The following CEP83 variants were observed in gnomAD, a reference collection of about 807,000 sequenced individuals.
The protein encoded by CEP83 is centrosomal protein of 83 kDa.
In CEP83, 70 loss-of-function variants were observed where a neutral mutation model predicts 101.9. The ratio of observed to expected loss-of-function variants is 0.69; its 90% CI spans 0.57 to 0.84. The LOEUF is 0.84. CEP83 is among the 40% of genes least tolerant of loss of function. CEP83 has a pLI of 0.00. For missense variants in CEP83, 715 were observed against 787.2 expected, an observed-to-expected ratio of 0.91 and a Z score of 1.10; for synonymous variants, 264 against 267.9, an observed-to-expected ratio of 0.99 and a Z score of 0.14.
chr12:94,275,094 A>C, the CEP83 span, among the ~76,000 whole-genome samples: 1 of 152,220 alleles, frequency 6.6e-6, no homozygotes, highest in Non-Finnish European at 1.5e-5. Flanking sequence ...GGGAGGGTCC[A>C]GGTGGCCCGG....
At chr12:94,385,464 C>G (rs2062087094) in intron 6 of CEP83, among the ~76,000 whole-genome samples, 1 of 152,134 alleles carries the variant, frequency 6.6e-6, no homozygotes, top group African/African-American at 2.4e-5. Context: ...GACAGCATGG[C>G]AGAGGATGGG....
At chr12:94,407,776 C>A (rs992448076) in intron 4 of CEP83, among the ~76,000 whole-genome samples, 1 of 152,174 alleles carries the variant, frequency 6.6e-6, no homozygotes, top group African/African-American at 2.4e-5. Flanking sequence ...TTTTCCCATC[C>A]CATTTTAGGA....
chr12:94,355,582 G>A (rs1481021138), intron 11 of CEP83, among the ~76,000 whole-genome samples: 2 of 152,232 alleles, frequency 1.3e-5, no homozygotes, highest in Middle Eastern at 3.2e-3. Context: ...CTTACAAAAA[G>A]ATGTTGGGAG....
intron 14 of CEP83, among the ~76,000 whole-genome samples, chr12:94,314,142 T>C (rs912963619): frequency 6.6e-6 from 1 of 152,226 alleles, no homozygotes; most frequent in Non-Finnish European, 1.5e-5. Flanking sequence ...CACAGGCCTT[T>C]TGTTTTTTAA....
intron 11 of CEP83, among the ~76,000 whole-genome samples, chr12:94,354,117 T>C (rs758520446): frequency 6.6e-6 from 1 of 152,124 alleles, no homozygotes; most frequent in African/African-American, 2.4e-5. Flanking sequence ...AACTACACTG[T>C]AGACCAAATG....
intron 14 of CEP83, chr12:94,328,352 A>G (rs2059061864): frequency 7.7e-6 from 2 of 260,600 alleles, no homozygotes; most frequent in East Asian, 1.3e-4. Context: ...TTTACACCAA[A>G]GACTACTTAA....
chr12:94,314,013 T>C (rs751329099), intron 14 of CEP83, among the ~76,000 whole-genome samples: 1 of 152,114 alleles, frequency 6.6e-6, no homozygotes, highest in Non-Finnish European at 1.5e-5. Context: ...CTTTACAATA[T>C]ACAAAGGGAG....
intron 8 of CEP83, among the ~76,000 whole-genome samples, chr12:94,371,053 A>C (rs1007750079): frequency 2.0e-5 from 3 of 152,226 alleles, no homozygotes; most frequent in African/African-American, 7.2e-5. Context: ...TCTAGGTAGA[A>C]GGAACAGCAT....
chr12:94,311,500 T>C (rs763521497), intron 15 of CEP83, among the ~76,000 whole-genome samples: 7 of 152,156 alleles, frequency 4.6e-5, no homozygotes, highest in Non-Finnish European at 7.4e-5. Context: ...CTGAGCCCTC[T>C]ACCTGTGGGA....
intron 14 of CEP83, among the ~76,000 whole-genome samples, chr12:94,318,927 T>C (rs1004910521): frequency 1.3e-5 from 2 of 152,204 alleles, no homozygotes; most frequent in Non-Finnish European, 2.9e-5. Context: ...CTTCACAGAA[T>C]GATTTGGGAA....
At chr12:94,340,805 C>T (rs1310157051) in intron 11 of CEP83, among the ~76,000 whole-genome samples, 4 of 152,100 alleles carry the variant, frequency 2.6e-5, no homozygotes, top group Non-Finnish European at 4.4e-5. Context: ...AACATATGTT[C>T]CCAGCATCAC....
At chr12:94,452,660 C>G (rs2067344456) in intron 1 of CEP83, among the ~76,000 whole-genome samples, 1 of 152,064 alleles carries the variant, frequency 6.6e-6, no homozygotes, top group Admixed American at 6.6e-5. Flanking sequence ...TTTGTAATAT[C>G]ATCCATAGAG....
chr12:94,302,640 C>A (rs989246388), downstream of CEP83, among the ~76,000 whole-genome samples: 4 of 152,098 alleles, frequency 2.6e-5, no homozygotes, highest in African/African-American at 9.7e-5. Flanking sequence ...TTATTATTAC[C>A]CTCATTTTAT....
chr12:94,419,025 C>A (rs1396684897), intron 2 of CEP83, among the ~76,000 whole-genome samples: 1 of 146,326 alleles, frequency 6.8e-6, no homozygotes, highest in Admixed American at 6.8e-5. Flanking sequence ...AGAACTAGAA[C>A]AAAACAAAGG....
At chr12:94,369,035 A>G (rs1451866961) in intron 9 of CEP83, 1 of 152,230 alleles carries the variant, frequency 6.6e-6, no homozygotes, top group Non-Finnish European at 1.5e-5. Context: ...AATGAGTTCA[A>G]CTACAGATCA....
the CEP83 span, among the ~76,000 whole-genome samples, chr12:94,271,521 G>A: frequency 1.5e-4 from 23 of 152,324 alleles, no homozygotes; most frequent in South Asian, 2.1e-4. Flanking sequence ...TTCCCAGGCC[G>A]TGTGCAGAAG....
rs898730834 is a variant in CEP83, at chr12:94,333,536, T to G, written c.1523A>C (p.Gln508Pro). The change falls in exon 13 of 17, where the codon CAA becomes CCA. Residue 508 changes from glutamine to proline, a missense_variant. By Grantham distance (76) the Gln-to-Pro change is moderately conservative. Transcript: ENST00000397809. The part of the protein sequence containing the change: ...MLKEMVERLK[Q>P]ECRNFRSQAE... ...TTGGCTTCTAAAATTTCGGCATTCT[T>G]GTTTTAATCTCTCCACCATTTCCTT... 3 of 1,613,876 alleles carry G rather than the reference T, an allele frequency of 1.9e-6. No homozygotes were observed. Among genetic ancestry groups the G allele is most frequent in the Non-Finnish European group, 2.5e-6 (3 of 1,179,858 alleles).
At chr12:94,319,315 A>G (rs535293615) in intron 14 of CEP83, among the ~76,000 whole-genome samples, 11 of 152,140 alleles carry the variant, frequency 7.2e-5, no homozygotes, top group Non-Finnish European at 1.2e-4. Flanking sequence ...CATTAGGCTA[A>G]CTAGTGGCCT....
intron 11 of CEP83, among the ~76,000 whole-genome samples, chr12:94,346,676 T>C (rs946998165): frequency 9.9e-5 from 15 of 152,258 alleles, no homozygotes; most frequent in African/African-American, 3.4e-4. Context: ...TATCTCCATA[T>C]AGAGAGCAGT....
Sources: allele counts gnomAD v4.1 joint callset (sites outside exome capture counted in the v4.1 genomes callset), GRCh38; gene constraint gnomAD v4.1.1; transcripts MANE v1.5; gene names NCBI Gene and HGNC (gene_info 2026-07-23, HGNC 2026-07-21).